The following NAALADL2 variants were observed in gnomAD, a reference collection of about 807,000 sequenced individuals.
NAALADL2 encodes N-acetylated alpha-linked acidic dipeptidase like 2, also known as inactive N-acetylated-alpha-linked acidic dipeptidase-like protein 2.
NAALADL2 carries 76 observed loss-of-function variants against 87.2 expected under a neutral mutation model. The ratio of observed to expected loss-of-function variants is 0.87; its 90% CI spans 0.72 to 1.05. The LOEUF (loss-of-function observed/expected upper bound fraction) is 1.05, where lower values mean the gene tolerates loss of function less well. Ranked by LOEUF, NAALADL2 falls within the 50% of genes least tolerant of loss-of-function variation. The pLI, the probability that NAALADL2 is intolerant of heterozygous loss-of-function variation, is 0.00. For missense variants in NAALADL2, 1,089 were observed against 945.8 expected (o/e 1.15, Z -1.99); for synonymous variants, 354 against 331.0 (o/e 1.07, Z -0.75).
chr3:174,544,755 G>C (rs1206002118), intron 1 of NAALADL2, among the ~76,000 whole-genome samples: 1 of 151,548 alleles, frequency 6.6e-6, no homozygotes, highest in African/African-American at 2.4e-5. Flanking sequence ...ATTTTTAGTA[G>C]AGATGGAGTT....
chr3:175,346,716 C>T (rs1763193727), intron 5 of NAALADL2, among the ~76,000 whole-genome samples: 1 of 152,154 alleles, frequency 6.6e-6, no homozygotes, highest in Non-Finnish European at 1.5e-5. Context: ...GAAACGACTT[C>T]AACCCTCTCA....
rs536266437 is a variant in NAALADL2, at chr3:175,771,919, G to T, written c.2189+16501G>T. On this transcript the variant is annotated intron_variant, in intron 13 of 13. Coordinates refer to ENST00000454872, the MANE Select transcript of NAALADL2 (RefSeq NM_207015.3). ...AAGCACCCAGCAAAAGAGGGAAAAG[G>T]CCCTTATAGAACCATCAGATCTCCT... Among the ~76,000 whole-genome samples, 3 of 152,152 alleles carry T rather than the reference G, an allele frequency of 2.0e-5. No individual in the cohort carries two copies. The South Asian group carries it at 6.2e-4, about 32-fold the overall frequency.
At chr3:175,181,779 GTA>G (rs1218997152) in intron 2 of NAALADL2, among the ~76,000 whole-genome samples, 1 of 140,192 alleles carries the variant, frequency 7.1e-6, no homozygotes, top group African/African-American at 2.7e-5. Context: ...GTGTATATAT[GTA>G]TATATATGTG....
At chr3:175,115,136 A>G (rs1724889531) in intron 2 of NAALADL2, 1 of 151,614 alleles carries the variant, frequency 6.6e-6, no homozygotes, top group Non-Finnish European at 1.5e-5. Flanking sequence ...TTAGACTTAT[A>G]TTTTCAGAAA....
intron 2 of NAALADL2, among the ~76,000 whole-genome samples, chr3:174,629,534 T>G (rs538450424): frequency 6.6e-6 from 1 of 152,348 alleles, no homozygotes; most frequent in Non-Finnish European, 1.5e-5. Flanking sequence ...TCCATAATCA[T>G]AATACATTTG....
At chr3:175,464,178 AG>A (rs1723622106) in intron 7 of NAALADL2, among the ~76,000 whole-genome samples, 1 of 151,972 alleles carries the variant, frequency 6.6e-6, no homozygotes, top group African/African-American at 2.4e-5. Flanking sequence ...TTTAAATAAA[AG>A]TTTTGGTCTC....
chr3:175,263,058 C>A lies in NAALADL2; in HGVS notation c.939+6528C>A, dbSNP rs909782782. On this transcript the variant is annotated intron_variant, in intron 4 of 13. Transcript: ENST00000454872. ...CTTTTATGATTCTAAGACTCCAGAG[C>A]TGCTCCATTTGTCATGGACAACATG... Among the ~76,000 whole-genome samples the A allele has an allele frequency of 2.7e-5, 4 of 150,558 alleles. No homozygotes were observed. The South Asian group carries it at 8.3e-4, about 31-fold the overall frequency.
At chr3:174,465,110 A>G (rs1018962851) in intron 1 of NAALADL2, among the ~76,000 whole-genome samples, 4 of 152,108 alleles carry the variant, frequency 2.6e-5, no homozygotes, top group Non-Finnish European at 4.4e-5. Context: ...TAAATTTTAA[A>G]ACTTTTTTAT....
At chr3:174,854,926 C>A (rs1278578939), upstream of NAALADL2, among the ~76,000 whole-genome samples, 1 of 150,108 alleles carries the variant, frequency 6.7e-6, no homozygotes, top group South Asian at 2.1e-4. Flanking sequence ...CAACCTCTGC[C>A]TCCCAGGTTC....
intron 2 of NAALADL2, among the ~76,000 whole-genome samples, chr3:175,109,063 ATC>A (rs950576078): frequency 2.6e-5 from 4 of 151,772 alleles, no homozygotes; most frequent in African/African-American, 9.7e-5. Context: ...TTCCTATAAG[ATC>A]TGTTTTCGAT....
intron 1 of NAALADL2, among the ~76,000 whole-genome samples, chr3:174,952,545 C>T (rs1740528522): frequency 6.6e-6 from 1 of 152,076 alleles, no homozygotes; most frequent in African/African-American, 2.4e-5. Context: ...CTCTGAGCCA[C>T]ACACTACTAG....
At chr3:174,934,231 C>T (rs1737333156) in intron 1 of NAALADL2, among the ~76,000 whole-genome samples, 1 of 152,088 alleles carries the variant, frequency 6.6e-6, no homozygotes, top group South Asian at 2.1e-4. Context: ...CTTTACTGTC[C>T]AACAGAATTT....
chr3:174,923,906 CT>C (rs1735598657), intron 1 of NAALADL2, among the ~76,000 whole-genome samples: 1 of 152,022 alleles, frequency 6.6e-6, no homozygotes, highest in Non-Finnish European at 1.5e-5. Context: ...GCCTTGTCCC[CT>C]GGCAGAGTCA....
chr3:175,350,764 C>T (rs1398227718), intron 5 of NAALADL2, among the ~76,000 whole-genome samples: 2 of 152,114 alleles, frequency 1.3e-5, no homozygotes, highest in African/African-American at 4.8e-5. Flanking sequence ...ACTGTCTCTC[C>T]TCCCTTTTAT....
chr3:175,806,542 G>A lies in NAALADL2; in HGVS notation c.*3339G>A, dbSNP rs1754718201. Reference sequence around the variant, plus strand: ...ATAAATTGAAGAGTCATAATAACAAGAAAGACGTAAAGATTTGTTATTAAT... The same window carrying A: ...ATAAATTGAAGAGTCATAATAACAAAAAAGACGTAAAGATTTGTTATTAAT... On this transcript the variant is annotated 3_prime_UTR_variant, in exon 14 of 14. Transcript: ENST00000454872. 6.6e-6 allele frequency: 1 copy of A among 151,662 alleles called. No individual in the cohort carries two copies. Among genetic ancestry groups the A allele is most frequent in the Non-Finnish European group, 1.5e-5 (1 of 67,816 alleles). The allele number at this position is 151,662 out of a possible 1,614,324, so 9.4% of individuals were successfully genotyped here.
chr3:174,812,664 G>A (rs1364763470), intron 3 of NAALADL2, among the ~76,000 whole-genome samples: 2 of 151,962 alleles, frequency 1.3e-5, no homozygotes, highest in East Asian at 3.9e-4. Context: ...GCATGCTATT[G>A]CCCCTGAAGA....
chr3:175,497,301 AT>A (rs1490931990), intron 9 of NAALADL2, among the ~76,000 whole-genome samples: 7 of 152,202 alleles, frequency 4.6e-5, no homozygotes, highest in African/African-American at 1.7e-4. Context: ...CCTTGTACAA[AT>A]CAGACACAAA....
At chr3:174,724,518 A>G (rs899930866) in intron 2 of NAALADL2, among the ~76,000 whole-genome samples, 1 of 152,154 alleles carries the variant, frequency 6.6e-6, no homozygotes, top group African/African-American at 2.4e-5. Context: ...GAATAGGGAA[A>G]TAAGAGACTG....
Position 175,121,512 on chromosome 3 carries a change from C to T in NAALADL2, c.545+24221C>T, listed in dbSNP as rs376083739. Among the ~76,000 whole-genome samples, 4 of 151,752 alleles carry T rather than the reference C, an allele frequency of 2.6e-5. No individual in the cohort carries two copies. The East Asian group carries it at 7.8e-4, about 29-fold the overall frequency. Reference sequence around the variant, plus strand: ...TTACTGGCTGTGGTTGCAGCTGTTACCTGAGGGTAAGAGAGCTGAGGAACA... The same window carrying T: ...TTACTGGCTGTGGTTGCAGCTGTTATCTGAGGGTAAGAGAGCTGAGGAACA... On this transcript the variant is annotated intron_variant, in intron 2 of 13. Transcript: ENST00000454872.
Sources: allele counts gnomAD v4.1 joint callset (sites outside exome capture counted in the v4.1 genomes callset), GRCh38; gene constraint gnomAD v4.1.1; transcripts MANE v1.5; gene names NCBI Gene and HGNC (gene_info 2026-07-23, HGNC 2026-07-21).